ITGA9: variants seen among roughly 807,000 people sequenced by gnomAD.
ITGA9 encodes integrin subunit alpha 9.
In ITGA9, 56 loss-of-function variants were observed where a neutral mutation model predicts 127.8. The observed-to-expected ratio is 0.44, with a 90% confidence interval of 0.35 to 0.55. ITGA9 has a LOEUF of 0.55. Ranked by LOEUF, ITGA9 falls within the 20% of genes least tolerant of loss-of-function variation. The pLI, the probability that ITGA9 is intolerant of heterozygous loss-of-function variation, is 0.00. For synonymous variants in ITGA9, 508 were observed against 514.5 expected (o/e 0.99, Z 0.17); for missense variants, 1,196 against 1,347.1 (o/e 0.89, Z 1.76).
chr3:37,598,722 C>T (rs370699161), intron 15 of ITGA9, among the ~76,000 whole-genome samples: 1 of 152,164 alleles, frequency 6.6e-6, no homozygotes, highest in African/African-American at 2.4e-5. Context: ...GCTTACAAAA[C>T]TTTATTTTTC....
chr3:37,751,441 T>C (rs1363650403), intron 23 of ITGA9, among the ~76,000 whole-genome samples: 1 of 152,204 alleles, frequency 6.6e-6, no homozygotes, highest in Non-Finnish European at 1.5e-5. Context: ...TCTAGGAGTG[T>C]TCTCTTCCTA....
chr3:37,716,142 A>G (rs1229563266), intron 18 of ITGA9, among the ~76,000 whole-genome samples: 1 of 152,226 alleles, frequency 6.6e-6, no homozygotes, highest in East Asian at 1.9e-4. Context: ...ATTCTCAAGC[A>G]CTTCCATCTC....
chr3:37,694,488 G>T (rs770281318), intron 18 of ITGA9, among the ~76,000 whole-genome samples: 2 of 152,232 alleles, frequency 1.3e-5, no homozygotes, highest in African/African-American at 2.4e-5. Context: ...TCACAAGGCG[G>T]CTTCAGTATT....
At chr3:37,570,067 C>T (rs11916374) in intron 15 of ITGA9, among the ~76,000 whole-genome samples, 3,823 of 152,330 alleles carry the variant, frequency 0.025, 78 homozygotes, top group Middle Eastern at 0.065. Flanking sequence ...CCCTGAAATG[C>T]GTAGGGTTGG....
rs967043555 is a variant in ITGA9, at chr3:37,505,881, G to A, written c.743-119G>A. On this transcript the variant is annotated intron_variant, in intron 6 of 27. Transcript: ENST00000264741. ...GGTTGACAGCTGCCATTTTTTTCCT[G>A]GTAGTTTATGTTCCAAGAGTAGGGA... is the stretch of plus-strand genomic sequence containing the variant. 34 of 773,448 alleles carry A rather than the reference G, an allele frequency of 4.4e-5. 1 individual carries two copies. The Admixed American group carries it at 5.6e-4, about 13-fold the overall frequency. The allele number at this position is 773,448 out of a possible 1,614,324, so 47.9% of individuals were successfully genotyped here.
In ITGA9 at chr3:37,543,039, C is replaced by T. The variant is rs74511022; in HGVS notation, c.1689+454C>T. Reference sequence around the variant, plus strand: ...TTAAAACTGGTTGGACTAGATTCTTCCCCCTTGACTACTTTCTATTTATTT... The same window carrying T: ...TTAAAACTGGTTGGACTAGATTCTTTCCCCTTGACTACTTTCTATTTATTT... On this transcript the variant is annotated intron_variant, in intron 15 of 27. Transcript: ENST00000264741. Among the ~76,000 whole-genome samples, 401 of 152,272 alleles carry T rather than the reference C, an allele frequency of 2.6e-3. 3 individuals are homozygous for T. The highest frequency in any genetic ancestry group is 8.8e-3 in the African/African-American group (364 of 41,550).
chr3:37,615,470 G>A (rs954104566), intron 15 of ITGA9, among the ~76,000 whole-genome samples: 3 of 152,170 alleles, frequency 2.0e-5, no homozygotes, highest in African/African-American at 7.2e-5. Context: ...TCAGGATGAT[G>A]CTGGCCTCAT....
At chr3:37,743,872 C>A in intron 21 of ITGA9, 54 bp from the exon 22 acceptor site, 1 of 1,178,100 alleles carries the variant, frequency 8.5e-7, no homozygotes, top group African/African-American at 1.5e-5. Context: ...TGGCAGTGAC[C>A]ATGGGTGCTT....
At chr3:37,684,588 A>G (rs1700764083) in intron 18 of ITGA9, among the ~76,000 whole-genome samples, 1 of 152,076 alleles carries the variant, frequency 6.6e-6, no homozygotes, top group Non-Finnish European at 1.5e-5. Flanking sequence ...TGATCCTCCC[A>G]CCTCATCCTC....
In ITGA9 at chr3:37,684,019, A is replaced by G. The variant is rs1052797682; in HGVS notation, c.2067+4A>G. On this transcript the variant is annotated splice_donor_region_variant and intron_variant, in intron 18 of 27. Transcript: ENST00000264741. ...CTTCATCAACATGTGGCAGAAGGTA[A>G]GGAGGGCATCCCTGTAAAAAGAGCA... is the stretch of plus-strand genomic sequence containing the variant. 1 of 1,612,966 alleles carries G rather than the reference A, an allele frequency of 6.2e-7. No individual in the cohort carries two copies. Among genetic ancestry groups the G allele is most frequent in the Admixed American group, 1.7e-5 (1 of 60,018 alleles).
At chr3:37,541,924 C>T (rs145346681) in intron 14 of ITGA9, among the ~76,000 whole-genome samples, 18 of 152,260 alleles carry the variant, frequency 1.2e-4, no homozygotes, top group African/African-American at 3.9e-4. Context: ...TTATAGAGCA[C>T]GACTCAACTT....
chr3:37,527,512 G>A (rs1253141602), intron 13 of ITGA9, among the ~76,000 whole-genome samples: 1 of 152,174 alleles, frequency 6.6e-6, no homozygotes, highest in Non-Finnish European at 1.5e-5. Context: ...CCCAAGTGGT[G>A]ACTTCACTAA....
At chr3:37,514,858 G>A (rs558165758) in intron 9 of ITGA9, among the ~76,000 whole-genome samples, 5 of 152,192 alleles carry the variant, frequency 3.3e-5, no homozygotes, top group East Asian at 3.9e-4. Flanking sequence ...GAGCCACCAC[G>A]CCTGGCCAAT....
At chr3:37,487,700 A>G (rs1698625021) in intron 4 of ITGA9, among the ~76,000 whole-genome samples, 1 of 152,162 alleles carries the variant, frequency 6.6e-6, no homozygotes, top group Non-Finnish European at 1.5e-5. Flanking sequence ...GATGAAGGTC[A>G]CAGGCTTATT....
rs17036567 is a variant in ITGA9 at position 37,523,619 on chromosome 3, G to T, written c.1327+8G>T. 0.01 allele frequency: 16,093 copies of T among 1,597,880 alleles called. 868 individuals carry two copies. In the African/African-American group the frequency reaches 0.15, roughly 14 times the overall value. On this transcript the variant is annotated splice_region_variant and intron_variant, in intron 12 of 27. Transcript: ENST00000264741. ...ATGGAAATGGCTATCCTGGTAAGCT[G>T]TTTTTCTTTAAAGGCACATGAGATA...
At chr3:37,708,770 G>T (rs1701042305) in intron 18 of ITGA9, among the ~76,000 whole-genome samples, 1 of 5,720 alleles carries the variant, frequency 1.7e-4, no homozygotes, top group African/African-American at 7.6e-4. Flanking sequence ...GGTCTTACAG[G>T]TCTTCTAAGT....
At chr3:37,604,107 G>T (rs1017462871) in intron 15 of ITGA9, among the ~76,000 whole-genome samples, 1 of 152,192 alleles carries the variant, frequency 6.6e-6, no homozygotes. Context: ...ACATCATCAA[G>T]GTTCCTCCAA....
At chr3:37,587,474 T>C (rs2125613191) in intron 15 of ITGA9, among the ~76,000 whole-genome samples, 1 of 152,256 alleles carries the variant, frequency 6.6e-6, no homozygotes, top group Non-Finnish European at 1.5e-5. Context: ...ATGGGAAGAT[T>C]TCTGAATGCT....
At chr3:37,751,247 A>G (rs547708004) in intron 23 of ITGA9, among the ~76,000 whole-genome samples, 1 of 152,308 alleles carries the variant, frequency 6.6e-6, no homozygotes, top group African/African-American at 2.4e-5. Context: ...ATGATGTTCC[A>G]TTCCAGTTCC....
Sources: allele counts gnomAD v4.1 joint callset (sites outside exome capture counted in the v4.1 genomes callset), GRCh38; gene constraint gnomAD v4.1.1; transcripts MANE v1.5; gene names NCBI Gene and HGNC (gene_info 2026-07-23, HGNC 2026-07-21).